Variants in YAP1 observed in about 807,000 individuals in gnomAD.
YAP1 encodes transcriptional coactivator YAP1.
YAP1 carries 5 observed loss-of-function variants against 56.9 expected under a neutral mutation model. That is an observed-to-expected ratio of 0.09 (90% CI 0.05 to 0.18). YAP1 has a LOEUF of 0.18. Among genes scored for constraint, YAP1 ranks in the 10% least tolerant of loss-of-function variants. The pLI, the probability that YAP1 is intolerant of heterozygous loss-of-function variation, is 1.00. For missense variants in YAP1, 539 were observed against 651.8 expected (o/e 0.83, Z 1.88); for synonymous variants, 265 against 248.1 (o/e 1.07, Z -0.64).
intron 3 of YAP1, among the ~76,000 whole-genome samples, chr11:102,166,848 G>T (rs1591296333): frequency 6.6e-6 from 1 of 152,060 alleles, no homozygotes; most frequent in African/African-American, 2.4e-5. Flanking sequence ...CTGAGATCTT[G>T]TTCCTCATCC....
chr11:102,120,834 T>C (rs980984294), intron 2 of YAP1, among the ~76,000 whole-genome samples: 3 of 152,226 alleles, frequency 2.0e-5, no homozygotes, highest in Non-Finnish European at 2.9e-5. Flanking sequence ...TTTGACAAAA[T>C]GGAATGTAGT....
chr11:102,147,140 T>C (rs893164995), intron 2 of YAP1, among the ~76,000 whole-genome samples: 2 of 152,204 alleles, frequency 1.3e-5, no homozygotes, highest in Non-Finnish European at 2.9e-5. Flanking sequence ...CTTAGGATTC[T>C]AGCTCTGTTA....
rs528789298 is a variant in YAP1 at position 102,164,313 on chromosome 11, G to A, written c.688+1742G>A. On this transcript the variant is annotated intron_variant, in intron 3 of 8. Transcript: ENST00000282441. ...CTCCCAAAGTGCTGGGATAACAGGC[G>A]TGAGCCACCATGCCTGGCCCCTAAT... is the stretch of plus-strand genomic sequence containing the variant. 4.6e-4 allele frequency among the ~76,000 whole-genome samples: 70 copies of A among 152,222 alleles called. 1 individual carries two copies. In the South Asian group the frequency reaches 0.011, roughly 25 times the overall value.
chr11:102,229,989 A>ACATGCACCG lies in YAP1; in HGVS notation c.*50_*58dup. The ACATGCACCG allele has an allele frequency of 6.6e-7, 1 of 1,516,030 alleles. No homozygotes were observed. Among genetic ancestry groups the ACATGCACCG allele is most frequent in the Non-Finnish European group, 9.1e-7 (1 of 1,100,690 alleles). 93.9% of individuals were successfully genotyped at this position (1,516,030 alleles called of 1,614,324 possible). On this transcript the variant is annotated 3_prime_UTR_variant, in exon 9 of 9. Transcript: ENST00000282441. ...AAATCTGTGAAGGATCTAAGGAGAC[A>ACATGCACCG]CATGCACCGGAAATTTCCATAAGCC...
intron 3 of YAP1, among the ~76,000 whole-genome samples, chr11:102,180,916 G>T (rs1373473399): frequency 6.6e-6 from 1 of 152,040 alleles, no homozygotes; most frequent in Non-Finnish European, 1.5e-5. Context: ...GGAGGTCGAG[G>T]TGGGAGGATC....
intron 6 of YAP1, among the ~76,000 whole-genome samples, chr11:102,222,238 G>A (rs534094837): frequency 2.3e-4 from 35 of 152,272 alleles, no homozygotes; most frequent in Middle Eastern, 3.4e-3. Flanking sequence ...GAAGGATGAC[G>A]GAGTCAGGCC....
intron 2 of YAP1, among the ~76,000 whole-genome samples, chr11:102,121,972 A>T (rs1447345139): frequency 1.3e-5 from 2 of 151,896 alleles, no homozygotes; most frequent in African/African-American, 4.8e-5. Flanking sequence ...TAATTTTTAA[A>T]TTTTTTGTAG....
At chr11:102,210,242 G>A (rs533037650) in intron 6 of YAP1, among the ~76,000 whole-genome samples, 38 of 152,310 alleles carry the variant, frequency 2.5e-4, no homozygotes, top group African/African-American at 8.2e-4. Flanking sequence ...AAAGATTTTA[G>A]GTGTTTGAGG....
chr11:102,125,378 C>CTTT (rs141361882), intron 2 of YAP1, among the ~76,000 whole-genome samples: 3 of 115,316 alleles, frequency 2.6e-5, no homozygotes, highest in Admixed American at 1.9e-4. Flanking sequence ...CTTTTCTTTT[C>CTTT]TTTTTTTTTT....
At chr11:102,213,307 A>G (rs1305085408) in intron 6 of YAP1, among the ~76,000 whole-genome samples, 2 of 152,104 alleles carry the variant, frequency 1.3e-5, no homozygotes, top group African/African-American at 4.8e-5. Flanking sequence ...CAACATGGTG[A>G]AACCCGTCTC....
chr11:102,166,412 G>A (rs1946613937), intron 3 of YAP1, among the ~76,000 whole-genome samples: 1 of 152,182 alleles, frequency 6.6e-6, no homozygotes, highest in Admixed American at 6.5e-5. Context: ...TAAAATAGCC[G>A]TAACGTCATG....
intron 2 of YAP1, among the ~76,000 whole-genome samples, chr11:102,138,694 A>G (rs1944828298): frequency 6.6e-6 from 1 of 152,182 alleles, no homozygotes; most frequent in South Asian, 2.1e-4. Context: ...AAAAGTGTTC[A>G]TTGTTATTAC....
intron 1 of YAP1, chr11:102,112,836 T>C (rs552429411): frequency 1.1e-6 from 1 of 939,634 alleles, no homozygotes; most frequent in East Asian, 1.2e-4. Flanking sequence ...CTGCACGGTA[T>C]GTTTTCAAAG....
intron 5 of YAP1, among the ~76,000 whole-genome samples, chr11:102,207,397 A>C (rs1949174751): frequency 6.6e-6 from 1 of 152,136 alleles, no homozygotes; most frequent in South Asian, 2.1e-4. Context: ...GACATTTAAA[A>C]ATCGTCATAC....
chr11:102,162,987 A>AT (rs34380636), intron 3 of YAP1, among the ~76,000 whole-genome samples: 33 of 130,172 alleles, frequency 2.5e-4, no homozygotes, highest in African/African-American at 7.8e-4. Context: ...TTTTTTTTTC[A>AT]TTTTTTTTTT....
Position 102,111,088 on chromosome 11 carries a change from G to T in YAP1, c.240G>T (p.Val80=). The change falls in exon 1 of 9, where the codon GTG becomes GTT. Residue 80 remains valine, a synonymous_variant. Transcript: ENST00000282441. ...TCATGAACCCCAAGACGGCCAACGT[G>T]CCCCAGACCGTGCCCATGAGGCTCC... The part of the protein sequence containing the change: ...NAVMNPKTAN[V]PQTVPMRLRK... 1 of 1,613,456 alleles carries T rather than the reference G, an allele frequency of 6.2e-7. No homozygotes were observed. Among genetic ancestry groups the T allele is most frequent in the East Asian group, 2.2e-5 (1 of 44,792 alleles).
intron 6 of YAP1, among the ~76,000 whole-genome samples, chr11:102,212,891 A>G (rs1231534600): frequency 6.6e-6 from 1 of 152,226 alleles, no homozygotes; most frequent in Non-Finnish European, 1.5e-5. Flanking sequence ...AAAGAGCTTA[A>G]CATTTTAATT....
chr11:102,164,418 T>C (rs1946475802), intron 3 of YAP1, among the ~76,000 whole-genome samples: 1 of 152,222 alleles, frequency 6.6e-6, no homozygotes, highest in Non-Finnish European at 1.5e-5. Context: ...TTACCAAATT[T>C]TCAAATAAAG....
intron 4 of YAP1, among the ~76,000 whole-genome samples, chr11:102,197,882 G>T (rs1161928858): frequency 1.3e-5 from 2 of 152,074 alleles, no homozygotes; most frequent in Admixed American, 1.3e-4. Context: ...TTTGTTTCTT[G>T]CCTGCTTGTG....
Sources: gnomAD v4.1 joint callset for allele counts (sites outside exome capture counted in the v4.1 genomes callset) on GRCh38, gnomAD v4.1.1 for gene constraint, MANE v1.5 for transcripts, NCBI Gene and HGNC (gene_info 2026-07-23, HGNC 2026-07-21) for gene names.